The following TSHZ2 variants were observed in gnomAD, a reference collection of about 807,000 sequenced individuals.
TSHZ2 encodes teashirt zinc finger homeobox 2.
A neutral mutation model predicts 74.4 loss-of-function variants in TSHZ2; 21 were observed. That is an observed-to-expected ratio of 0.28 (90% CI 0.20 to 0.41). TSHZ2 has a LOEUF of 0.41. Ranked by LOEUF, TSHZ2 falls within the 10% of genes least tolerant of loss-of-function variation. TSHZ2 has a pLI of 1.00. For missense variants in TSHZ2, 1,244 were observed against 1,293.5 expected, an observed-to-expected ratio of 0.96 and a Z score of 0.59; for synonymous variants, 540 against 515.3, an observed-to-expected ratio of 1.05 and a Z score of -0.65.
chr20:53,017,668 C>A (rs982278240), intron 1 of TSHZ2, among the ~76,000 whole-genome samples: 4 of 152,082 alleles, frequency 2.6e-5, no homozygotes, highest in African/African-American at 9.7e-5. Flanking sequence ...ATAAACAATC[C>A]ATCAAACAGC....
intron 2 of TSHZ2, among the ~76,000 whole-genome samples, chr20:53,417,284 GT>G (rs777407290): frequency 0.024 from 3,359 of 137,292 alleles, 57 homozygotes; most frequent in Middle Eastern, 0.046. Context: ...ACACACCATA[GT>G]TTTTTTTTTT....
intron 2 of TSHZ2, among the ~76,000 whole-genome samples, chr20:53,321,697 A>AAAAAAAAAAAAAAAAAG (rs1555850300): frequency 2.2e-4 from 31 of 140,514 alleles, no homozygotes; most frequent in Non-Finnish European, 2.9e-4. Context: ...AAAAAAAAAA[A>AAAAAAAAAAAAAAAAAG]AAAGAAAGAC....
chr20:53,176,498 G>A (rs6022321), intron 1 of TSHZ2, among the ~76,000 whole-genome samples: 41,720 of 151,992 alleles, frequency 0.27, 6,331 homozygotes, highest in African/African-American at 0.38. Context: ...CCAAGGGGAC[G>A]TGACTGAGGA....
chr20:53,010,414 CAA>C (rs760020088), intron 1 of TSHZ2, among the ~76,000 whole-genome samples: 16 of 152,044 alleles, frequency 1.1e-4, no homozygotes, highest in African/African-American at 3.6e-4. Flanking sequence ...ACAGCAATAA[CAA>C]AAAACATGGC....
intron 1 of TSHZ2, among the ~76,000 whole-genome samples, chr20:53,031,910 G>T (rs1406369835): frequency 6.6e-6 from 1 of 151,960 alleles, no homozygotes; most frequent in South Asian, 2.1e-4. Context: ...AGGAAGGAAA[G>T]AAGGAAGGGA....
At position 53,256,514 on chromosome 20, in the gene TSHZ2, A is replaced by G. The variant is rs1466532944; in HGVS notation, c.3056A>G (p.Lys1019Arg). 1.2e-6 allele frequency: 2 copies of G among 1,611,172 alleles called. No homozygotes were observed. The highest frequency in any genetic ancestry group is 2.2e-5 in the South Asian group (2 of 90,536). ...VKLHLSKTHS[K>R]SPEHHSQFVT... ...CTCCACCTAAGCAAAACGCACAGCA[A>G]GTCACCCGAACACCATTCACAGTTT... The change falls in exon 2 of 3, where the codon AAG becomes AGG. Residue 1019 changes from lysine (K) to arginine (R), a missense_variant. Around this residue, in one of 6 missense-constraint regions of TSHZ2, gnomAD observed 185 missense variants for 213.3 expected, o/e 0.87. Coordinates refer to ENST00000371497, the MANE Select transcript of TSHZ2 (RefSeq NM_173485.6). The surrounding 1 kb of genome is among the most constrained non-coding windows in gnomAD (Gnocchi z 4.3).
At chr20:53,039,376 C>A (rs6063901) in intron 1 of TSHZ2, among the ~76,000 whole-genome samples, 41,386 of 151,860 alleles carry the variant, frequency 0.27, 8,648 homozygotes, top group African/African-American at 0.58. Context: ...GTGTCAGTAC[C>A]TTTTTCTCTC....
intron 1 of TSHZ2, among the ~76,000 whole-genome samples, chr20:53,148,403 G>C (rs545734006): frequency 2.6e-5 from 4 of 152,280 alleles, no homozygotes; most frequent in Middle Eastern, 3.4e-3. Context: ...CCACCACACA[G>C]AGTGATCCAG....
chr20:53,293,888 T>C (rs1211538134), intron 2 of TSHZ2, among the ~76,000 whole-genome samples: 1 of 151,372 alleles, frequency 6.6e-6, no homozygotes, highest in African/African-American at 2.4e-5. Context: ...CAGTGGTGCA[T>C]GTCTGTAATC....
chr20:53,461,326 C>G (rs1176524691), intron 2 of TSHZ2: 1 of 153,182 alleles, frequency 6.5e-6, no homozygotes, highest in African/African-American at 2.4e-5. Flanking sequence ...TCACCCTTTT[C>G]TTTGATTAGG....
At chr20:53,186,166 C>G (rs1988594462) in intron 1 of TSHZ2, among the ~76,000 whole-genome samples, 1 of 152,230 alleles carries the variant, frequency 6.6e-6, no homozygotes, top group African/African-American at 2.4e-5. Flanking sequence ...TGTTGTCCAG[C>G]TGTTGCTATT....
At chr20:53,453,666 T>C (rs1245773871) in intron 2 of TSHZ2, among the ~76,000 whole-genome samples, 1 of 152,172 alleles carries the variant, frequency 6.6e-6, no homozygotes, top group Non-Finnish European at 1.5e-5. Flanking sequence ...CCTTCTCACA[T>C]AAAAGCAGAT....
intron 2 of TSHZ2, among the ~76,000 whole-genome samples, chr20:53,443,582 C>T (rs768716711): frequency 6.6e-5 from 10 of 152,198 alleles, no homozygotes; most frequent in South Asian, 2.1e-4. Context: ...CTAGCCTCTC[C>T]GATCTTCAGG....
chr20:53,421,690 T>C (rs886311627), intron 2 of TSHZ2: 1 of 140,674 alleles, frequency 7.1e-6, no homozygotes, highest in African/African-American at 2.8e-5. Context: ...GGTTTTTTTT[T>C]TTTTTTTTTT....
chr20:53,297,015 A>G (rs1172457481), intron 2 of TSHZ2, among the ~76,000 whole-genome samples: 3 of 152,250 alleles, frequency 2.0e-5, no homozygotes, highest in Non-Finnish European at 4.4e-5. Context: ...AGAAAGTCAC[A>G]TGATATTTAC....
intron 2 of TSHZ2, among the ~76,000 whole-genome samples, chr20:53,288,587 C>G (rs994754023): frequency 2.0e-5 from 3 of 152,036 alleles, no homozygotes; most frequent in Non-Finnish European, 4.4e-5. Flanking sequence ...TTTATTCATT[C>G]AACATATTTT....
chr20:52,983,158 G>A (rs1030747958), intron 1 of TSHZ2, among the ~76,000 whole-genome samples: 4 of 152,154 alleles, frequency 2.6e-5, no homozygotes, highest in East Asian at 3.8e-4. Context: ...GAGTCAAGCC[G>A]ACCTGGGGTC....
At chr20:53,351,190 A>G (rs906370790) in intron 2 of TSHZ2, among the ~76,000 whole-genome samples, 1 of 152,238 alleles carries the variant, frequency 6.6e-6, no homozygotes, top group African/African-American at 2.4e-5. Flanking sequence ...TTTCTGAAAT[A>G]TAAAATAGTC....
chr20:53,365,352 C>T (rs1028555849), intron 2 of TSHZ2, among the ~76,000 whole-genome samples: 4 of 151,988 alleles, frequency 2.6e-5, no homozygotes, highest in Non-Finnish European at 4.4e-5. Flanking sequence ...TTGGGGGGGT[C>T]GGGGGAGGCT....
Sources: allele counts gnomAD v4.1 joint callset (sites outside exome capture counted in the v4.1 genomes callset), GRCh38; gene constraint gnomAD v4.1.1; regional missense constraint gnomAD v4.1.1; non-coding constraint Gnocchi (gnomAD v3.1); transcripts MANE v1.5; gene names NCBI Gene and HGNC (gene_info 2026-07-23, HGNC 2026-07-21).